Variants in NUP35 observed in about 807,000 individuals in gnomAD.
The protein encoded by NUP35 is nucleoporin NUP35.
Under a neutral mutation model 41.5 loss-of-function variants are expected in NUP35, and 25 were observed. The ratio of observed to expected loss-of-function variants is 0.60; its 90% CI spans 0.44 to 0.84. NUP35 has a LOEUF of 0.84. Among genes scored for constraint, NUP35 ranks in the 40% least tolerant of loss-of-function variants. The pLI, the probability that NUP35 is intolerant of heterozygous loss-of-function variation, is 0.00. For missense variants in NUP35, 396 were observed against 396.6 expected, an observed-to-expected ratio of 1.00 and a Z score of 0.01; for synonymous variants, 149 against 130.7, an observed-to-expected ratio of 1.14 and a Z score of -0.96.
chr2:183,157,402 T>G, intron 5 of NUP35, 42 bp from the exon 6 acceptor site: 1 of 1,362,628 alleles, frequency 7.3e-7, no homozygotes, highest in Non-Finnish European at 1.1e-6. Context: ...TTCACATTGA[T>G]AGTAGAAGCT....
At chr2:183,128,953 C>T (rs1684597890) in intron 2 of NUP35, among the ~76,000 whole-genome samples, 1 of 152,092 alleles carries the variant, frequency 6.6e-6, no homozygotes, top group African/African-American at 2.4e-5. Context: ...AAAGATAACC[C>T]TAAATATGAC....
upstream of NUP35, among the ~76,000 whole-genome samples, chr2:183,122,334 C>T (rs374316540): frequency 1.2e-4 from 19 of 152,294 alleles, no homozygotes; most frequent in East Asian, 3.7e-3. Flanking sequence ...CCTTGGCCTC[C>T]CAAAGTGCTG....
chr2:183,128,108 A>G (rs772076336), intron 1 of NUP35, among the ~76,000 whole-genome samples, 179 bp from the exon 2 acceptor site: 7 of 152,082 alleles, frequency 4.6e-5, no homozygotes, highest in Non-Finnish European at 7.4e-5. Context: ...ATAACTTTAC[A>G]TTTTTCTAGA....
chr2:183,119,781 G>C (rs1110953), upstream of NUP35, among the ~76,000 whole-genome samples: 149,828 of 152,190 alleles, frequency 0.98, 73,785 homozygotes, highest in East Asian at 1. Context: ...AACTCCTGGG[G>C]TCAAGTGATC....
intron 4 of NUP35, among the ~76,000 whole-genome samples, chr2:183,144,396 A>C (rs1685205124): frequency 6.6e-6 from 1 of 152,148 alleles, no homozygotes; most frequent in Non-Finnish European, 1.5e-5. Context: ...CAAATCCCTT[A>C]TTACATATTG....
intron 1 of NUP35, among the ~76,000 whole-genome samples, chr2:183,127,000 A>G (rs1012734716): frequency 2.6e-5 from 4 of 152,234 alleles, no homozygotes; most frequent in Non-Finnish European, 4.4e-5. Flanking sequence ...AGGTCAAGCT[A>G]TACTTGCTAT....
At chr2:183,120,587 A>G (rs572153517), upstream of NUP35, among the ~76,000 whole-genome samples, 4 of 152,316 alleles carry the variant, frequency 2.6e-5, no homozygotes, top group South Asian at 6.2e-4. Context: ...GTTTGATGGT[A>G]GAGAAGGTGA....
intron 4 of NUP35, among the ~76,000 whole-genome samples, chr2:183,145,465 T>C (rs1302996055): frequency 1.3e-5 from 2 of 152,228 alleles, no homozygotes; most frequent in East Asian, 3.8e-4. Flanking sequence ...ACTCAGCCTA[T>C]ACCTATTAAA....
intron 4 of NUP35, among the ~76,000 whole-genome samples, chr2:183,135,802 T>A (rs147756343): frequency 6.6e-6 from 1 of 152,158 alleles, no homozygotes; most frequent in East Asian, 1.9e-4. Flanking sequence ...AATTCGAGGT[T>A]GCAAGGGAGC....
chr2:183,154,266 G>C (rs1685573180), intron 5 of NUP35, among the ~76,000 whole-genome samples: 1 of 152,196 alleles, frequency 6.6e-6, no homozygotes, highest in Non-Finnish European at 1.5e-5. Flanking sequence ...ATTAACATTA[G>C]GCTCCTTTCT....
At chr2:183,136,162 C>T (rs573845068) in intron 4 of NUP35, among the ~76,000 whole-genome samples, 1 of 152,348 alleles carries the variant, frequency 6.6e-6, no homozygotes, top group African/African-American at 2.4e-5. Flanking sequence ...TACCCACTGC[C>T]TGATTTCTAA....
Position 183,161,116 on chromosome 2 carries a change from C to T in NUP35, c.966C>T (p.Tyr322=). The T allele has an allele frequency of 6.2e-7, 1 of 1,612,318 alleles. No individual in the cohort carries two copies. Among genetic ancestry groups the T allele is most frequent in the Non-Finnish European group, 8.5e-7 (1 of 1,178,820 alleles). The stretch of plus-strand genomic sequence containing the variant: ...GTCTTGTATCCAAAGCAATGGAGTA[C>T]ATGTTTGGCTGGTAGTAGAACACCA... ...DESLVSKAME[Y]MFGW Residue 322 remains tyrosine, a synonymous_variant, in exon 9 of 9, where the codon TAC becomes TAT. Transcript: ENST00000295119.
chr2:183,138,695 T>C (rs1462647261), intron 4 of NUP35, among the ~76,000 whole-genome samples: 1 of 152,168 alleles, frequency 6.6e-6, no homozygotes, highest in African/African-American at 2.4e-5. Context: ...TTCTTCTTCC[T>C]TTATATTTTT....
At chr2:183,135,889 A>G (rs1404980605) in intron 4 of NUP35, among the ~76,000 whole-genome samples, 1 of 151,414 alleles carries the variant, frequency 6.6e-6, no homozygotes, top group Non-Finnish European at 1.5e-5. Context: ...AAAATTTAAA[A>G]AAAAAAGCAC....
chr2:183,129,449 A>G (rs1684619723), intron 2 of NUP35, among the ~76,000 whole-genome samples: 1 of 152,178 alleles, frequency 6.6e-6, no homozygotes, highest in South Asian at 2.1e-4. Context: ...CCTTTAAAGT[A>G]TTTTTGCTTT....
At chr2:183,153,333 G>A (rs746989809) in intron 5 of NUP35, among the ~76,000 whole-genome samples, 2 of 152,080 alleles carry the variant, frequency 1.3e-5, no homozygotes, top group Non-Finnish European at 2.9e-5. Flanking sequence ...TCTTATTTCA[G>A]CATTAACCCA....
intron 4 of NUP35, among the ~76,000 whole-genome samples, chr2:183,140,822 CAA>C (rs34256493): frequency 1.1e-3 from 100 of 89,492 alleles, no homozygotes; most frequent in African/African-American, 2.6e-3. Context: ...AAACTCCATT[CAA>C]AAAAAAAAAA....
chr2:183,127,852 C>A (rs898049137), intron 1 of NUP35, among the ~76,000 whole-genome samples: 6 of 152,164 alleles, frequency 3.9e-5, no homozygotes, highest in African/African-American at 1.4e-4. Context: ...GCTGGTGGAT[C>A]ACCTGAGCTC....
chr2:183,138,734 C>T (rs938411325), intron 4 of NUP35, among the ~76,000 whole-genome samples: 1 of 151,914 alleles, frequency 6.6e-6, no homozygotes, highest in Non-Finnish European at 1.5e-5. Context: ...GAAGTTCTTT[C>T]ACTTATATAT....
Sources: allele counts gnomAD v4.1 joint callset (sites outside exome capture counted in the v4.1 genomes callset), GRCh38; gene constraint gnomAD v4.1.1; transcripts MANE v1.5; gene names NCBI Gene and HGNC (gene_info 2026-07-23, HGNC 2026-07-21).